The following ACOXL variants were observed in gnomAD, a reference collection of about 807,000 sequenced individuals.
ACOXL encodes the protein acyl-CoA oxidase like.
A neutral mutation model predicts 71.9 loss-of-function variants in ACOXL; 70 were observed. The ratio of observed to expected loss-of-function variants is 0.97; its 90% confidence interval spans 0.80 to 1.19. The LOEUF is 1.19. ACOXL is among the 50% of genes most tolerant of loss of function. ACOXL has a pLI of 0.00. For synonymous variants in ACOXL, 253 were observed against 281.6 expected, an observed-to-expected ratio of 0.90 and a Z score of 1.02; for missense variants, 703 against 736.3, an observed-to-expected ratio of 0.95 and a Z score of 0.52.
intron 16 of ACOXL, among the ~76,000 whole-genome samples, chr2:111,065,465 C>T (rs1444859098): frequency 6.6e-6 from 1 of 152,168 alleles, no homozygotes; most frequent in Non-Finnish European, 1.5e-5. Context: ...AGACGGTGAG[C>T]TCTTAGGGTT....
At chr2:110,800,783 G>A (rs973950662) in intron 7 of ACOXL, among the ~76,000 whole-genome samples, 3 of 152,126 alleles carry the variant, frequency 2.0e-5, no homozygotes, top group East Asian at 3.9e-4. Context: ...GGTTTTAGAT[G>A]TATCTCCCGG....
chr2:110,770,477 T>A (rs1681757961), intron 2 of ACOXL, among the ~76,000 whole-genome samples: 1 of 152,224 alleles, frequency 6.6e-6, no homozygotes, highest in Non-Finnish European at 1.5e-5. Context: ...ACAAGGGCGC[T>A]GCAGTGTCAG....
At chr2:111,088,095 C>A (rs1330702265) in intron 16 of ACOXL, among the ~76,000 whole-genome samples, 1 of 152,114 alleles carries the variant, frequency 6.6e-6, no homozygotes, top group Non-Finnish European at 1.5e-5. Context: ...CAATAAGATA[C>A]CATCTCACAC....
At chr2:111,046,694 G>A (rs749059609) in intron 15 of ACOXL, among the ~76,000 whole-genome samples, 2 of 152,078 alleles carry the variant, frequency 1.3e-5, no homozygotes, top group Admixed American at 6.5e-5. Context: ...GTCCCCTCCC[G>A]TGACATGCGG....
intron 12 of ACOXL, among the ~76,000 whole-genome samples, chr2:110,961,887 T>A (rs2061710517): frequency 6.6e-6 from 1 of 152,116 alleles, no homozygotes; most frequent in South Asian, 2.1e-4. Context: ...TTCACTACCA[T>A]GAGAGCAGGG....
intron 2 of ACOXL, among the ~76,000 whole-genome samples, chr2:110,774,063 G>T (rs958293999): frequency 9.9e-5 from 15 of 152,170 alleles, no homozygotes; most frequent in African/African-American, 3.1e-4. Flanking sequence ...TTCAATCTAA[G>T]CCTTCATTAT....
chr2:111,050,609 T>C (rs2066244398), intron 16 of ACOXL, among the ~76,000 whole-genome samples: 1 of 152,200 alleles, frequency 6.6e-6, no homozygotes, highest in Non-Finnish European at 1.5e-5. Context: ...ATTTGCTTCT[T>C]GCTTCTCTCT....
intron 14 of ACOXL, among the ~76,000 whole-genome samples, chr2:111,026,454 G>A (rs2065020863): frequency 6.6e-6 from 1 of 150,418 alleles, no homozygotes; most frequent in Non-Finnish European, 1.5e-5. Context: ...TTAAAATTTC[G>A]TTCTGTGAAG....
chr2:110,968,181 C>T lies in ACOXL; in HGVS notation c.1060-18927C>T, dbSNP rs2062014821. 5 of 1,157,372 alleles carry T rather than the reference C, an allele frequency of 4.3e-6. No individual in the cohort carries two copies. In the Admixed American group the frequency reaches 5.0e-5, roughly 12 times the overall value. The allele number at this position is 1,157,372 out of a possible 1,614,324, so 71.7% of individuals were successfully genotyped here. A position where few individuals can be genotyped will look rare whatever the true frequency, so the allele number is the denominator to read the frequency against. ...GGCTTCTCAATAGGTTTGGCACAGA[C>T]AACATCTATGAAGGCCAAGTGTAGG... On this transcript the variant is annotated intron_variant, in intron 12 of 17. Transcript: ENST00000439055.
At chr2:110,948,125 A>C (rs1238500402) in intron 12 of ACOXL, among the ~76,000 whole-genome samples, 2 of 152,206 alleles carry the variant, frequency 1.3e-5, no homozygotes, top group African/African-American at 4.8e-5. Context: ...GCAGGGTGAA[A>C]AAAATATCTA....
intron 15 of ACOXL, among the ~76,000 whole-genome samples, chr2:111,040,359 G>A (rs1029459322): frequency 6.6e-6 from 1 of 152,180 alleles, no homozygotes; most frequent in Non-Finnish European, 1.5e-5. Flanking sequence ...AATAAACCTT[G>A]TAACTATGGA....
At chr2:110,763,713 T>C (rs929511081) in intron 1 of ACOXL, among the ~76,000 whole-genome samples, 2 of 152,200 alleles carry the variant, frequency 1.3e-5, no homozygotes, top group Non-Finnish European at 2.9e-5. Context: ...AAAGGAAAAC[T>C]TTCTGCTCTG....
chr2:110,975,740 A>T (rs913148124), intron 12 of ACOXL, among the ~76,000 whole-genome samples: 5 of 152,066 alleles, frequency 3.3e-5, no homozygotes, highest in African/African-American at 1.2e-4. Context: ...TAAAGCAAGA[A>T]CAGCCTGCTA....
At chr2:110,982,850 G>T (rs2062773056) in intron 12 of ACOXL, among the ~76,000 whole-genome samples, 1 of 152,212 alleles carries the variant, frequency 6.6e-6, no homozygotes, top group Non-Finnish European at 1.5e-5. Context: ...GATTTGTGCG[G>T]TGGTACAGGA....
chr2:110,913,821 G>T (rs2059738820), intron 11 of ACOXL, among the ~76,000 whole-genome samples: 1 of 152,168 alleles, frequency 6.6e-6, no homozygotes, highest in Admixed American at 6.5e-5. Flanking sequence ...AGGAGCAAGA[G>T]AGAGTAGGAT....
chr2:110,963,506 T>C (rs1325600695), intron 12 of ACOXL: 10 of 1,326,466 alleles, frequency 7.5e-6, no homozygotes, highest in Non-Finnish European at 9.7e-6. Flanking sequence ...ATTTTCTGTA[T>C]ATTTTTTAAT....
intron 2 of ACOXL, among the ~76,000 whole-genome samples, chr2:110,768,736 T>C (rs950298557): frequency 2.6e-5 from 4 of 152,162 alleles, no homozygotes; most frequent in African/African-American, 9.7e-5. Flanking sequence ...CCGCGCCTAT[T>C]GATTTCTTCT....
intron 9 of ACOXL, among the ~76,000 whole-genome samples, chr2:110,831,187 A>G (rs565733873): frequency 2.0e-5 from 3 of 152,292 alleles, no homozygotes; most frequent in South Asian, 2.1e-4. Context: ...GAAAAAAGAC[A>G]TAAAACTGAC....
chr2:110,956,404 G>A (rs1174732063), intron 12 of ACOXL, among the ~76,000 whole-genome samples: 2 of 152,276 alleles, frequency 1.3e-5, no homozygotes, highest in African/African-American at 4.8e-5. Context: ...AGTCCTGAGA[G>A]TGCAGGGCAG....
Sources: allele counts gnomAD v4.1 joint callset (sites outside exome capture counted in the v4.1 genomes callset), GRCh38; gene constraint gnomAD v4.1.1; transcripts MANE v1.5; gene names NCBI Gene and HGNC (gene_info 2026-07-23, HGNC 2026-07-21).